MBD5: variants seen among roughly 807,000 people sequenced by gnomAD.
MBD5 encodes methyl-CpG-binding domain protein 5.
MBD5 carries 13 observed loss-of-function variants against 117.3 expected under a neutral mutation model. That is an observed-to-expected ratio of 0.11 (90% CI 0.07 to 0.18). The LOEUF (loss-of-function observed/expected upper bound fraction) is 0.18. Ranked by LOEUF, MBD5 falls within the 10% of genes least tolerant of loss-of-function variation. The pLI is 1.00. For missense variants in MBD5, 1,879 were observed against 2,093.8 expected, an observed-to-expected ratio of 0.90 and a Z score of 2.00; for synonymous variants, 727 against 766.4, an observed-to-expected ratio of 0.95 and a Z score of 0.85.
intron 4 of MBD5, among the ~76,000 whole-genome samples, chr2:148,390,885 A>AT (rs1704553789): frequency 1.3e-5 from 2 of 152,164 alleles, no homozygotes; most frequent in African/African-American, 2.4e-5. Flanking sequence ...TTAATTACAA[A>AT]TTTTAAATAA....
At position 148,159,618 on chromosome 2, in the gene MBD5, T is replaced by C. The variant is rs1451448546; in HGVS notation, c.-924-19082T>C. ...TATTTCTCAATTAGAAGTATATATA[T>C]GTAATGCTTTTTCTCATAGGTATAG... is the stretch of plus-strand genomic sequence containing the variant. On this transcript the variant is annotated intron_variant, in intron 1 of 13. Transcript: ENST00000642680. Among the ~76,000 whole-genome samples, 8 of 152,186 alleles carry C rather than the reference T, an allele frequency of 5.3e-5. No individual in the cohort carries two copies. In the East Asian group the frequency reaches 1.5e-3, roughly 29 times the overall value.
At chr2:148,454,440 C>G (rs1031537401) in intron 4 of MBD5, among the ~76,000 whole-genome samples, 5 of 152,078 alleles carry the variant, frequency 3.3e-5, no homozygotes, top group African/African-American at 1.2e-4. Flanking sequence ...AGAGATGGCT[C>G]TCAAAACATG....
rs1680703746 is a variant in MBD5, at chr2:148,469,221, T to C, written c.1278T>C (p.Val426=). 1 of 1,614,026 alleles carries C rather than the reference T, an allele frequency of 6.2e-7. No homozygotes were observed. The highest frequency in any genetic ancestry group is 8.5e-7 in the Non-Finnish European group (1 of 1,179,964). ...HMNHGSHVQR[V]QHSASTSLSP... is the part of the protein sequence containing the mutation. ...ATCATGGGAGTCATGTACAAAGAGT[T>C]CAGCATTCAGCTTCAACCTCCCTGT... Residue 426 remains valine (V), a synonymous_variant, in exon 8 of 14, where the codon GTT becomes GTC. Transcript: ENST00000642680.
rs139002640 is a variant in MBD5, at chr2:148,438,546, T to C, written c.-556-19657T>C. Among the ~76,000 whole-genome samples, 540 of 152,322 alleles carry C rather than the reference T, an allele frequency of 3.5e-3. 10 individuals are homozygous for C. Among genetic ancestry groups the C allele is most frequent in the African/African-American group, 0.013 (522 of 41,572 alleles). On this transcript the variant is annotated intron_variant, in intron 4 of 13. Transcript: ENST00000642680. Reference sequence around the variant, plus strand: ...AGGAATACAGTAAGAAGGAAGGATATTTGGCTTCTTGATACCAAATCTATA... The same window carrying C: ...AGGAATACAGTAAGAAGGAAGGATACTTGGCTTCTTGATACCAAATCTATA...
intron 1 of MBD5, among the ~76,000 whole-genome samples, chr2:148,167,199 G>C (rs748947439): frequency 6.6e-6 from 1 of 151,990 alleles, no homozygotes; most frequent in African/African-American, 2.4e-5. Context: ...TCTTTATGCC[G>C]ATTAAAATGG....
Position 148,485,894 on chromosome 2 carries a change from A to G in MBD5, c.3697A>G (p.Thr1233Ala), listed in dbSNP as rs751634567. 2.5e-6 allele frequency: 4 copies of G among 1,614,020 alleles called. No individual in the cohort carries two copies. In the South Asian group the frequency reaches 4.4e-5, roughly 18 times the overall value. Residue 1233 changes from threonine (T) to alanine (A), a missense_variant, in exon 10 of 14, where the codon ACA becomes GCA. Coordinates refer to ENST00000642680, the MANE Select transcript of MBD5 (RefSeq NM_001378120.1). ...QNLQAFQGQSTIPCPANNNPM... is the reference protein window; with the variant it reads ...QNLQAFQGQSAIPCPANNNPM... ...TCTCCAGGCGTTCCAAGGACAGTCC[A>G]CAATTCCTTGCCCAGCTAACAATAA...
At chr2:148,219,475 A>G (rs541301171) in intron 2 of MBD5, among the ~76,000 whole-genome samples, 2 of 152,352 alleles carry the variant, frequency 1.3e-5, no homozygotes, top group East Asian at 1.9e-4. Flanking sequence ...TGACTTCATT[A>G]TAATCTTATG....
chr2:148,188,278 T>C (rs1457223623), intron 2 of MBD5, among the ~76,000 whole-genome samples: 1 of 152,194 alleles, frequency 6.6e-6, no homozygotes, highest in African/African-American at 2.4e-5. Flanking sequence ...TATAGGCTAT[T>C]ATTTAAAATT....
chr2:148,419,879 A>T (rs2105253144), intron 4 of MBD5, among the ~76,000 whole-genome samples: 1 of 152,148 alleles, frequency 6.6e-6, no homozygotes, highest in East Asian at 1.9e-4. Context: ...AACATTTAAG[A>T]TCAGTCTAAT....
chr2:148,402,634 T>C (rs1180956444), intron 4 of MBD5, among the ~76,000 whole-genome samples: 1 of 152,230 alleles, frequency 6.6e-6, no homozygotes, highest in Admixed American at 6.5e-5. Context: ...ATATACTCTT[T>C]TGTCAATTGG....
chr2:148,456,570 A>G (rs765433068), intron 4 of MBD5, among the ~76,000 whole-genome samples: 24 of 152,160 alleles, frequency 1.6e-4, no homozygotes, highest in Non-Finnish European at 3.2e-4. Flanking sequence ...ACAGACATGA[A>G]CAGCAGGAGT....
Position 148,444,983 on chromosome 2 carries a change from T to C in MBD5, c.-556-13220T>C, listed in dbSNP as rs569782766. On this transcript the variant is annotated intron_variant, in intron 4 of 13. Transcript: ENST00000642680. Reference sequence around the variant, plus strand: ...CAGGATTATATAATATAAATGCCACTTGACCTTGTTTCCACATCCCTTGCT... The same window carrying C: ...CAGGATTATATAATATAAATGCCACCTGACCTTGTTTCCACATCCCTTGCT... Among the ~76,000 whole-genome samples, 51 of 151,312 alleles carry C rather than the reference T, an allele frequency of 3.4e-4. 2 individuals carry two copies. Among genetic ancestry groups the C allele is most frequent in the African/African-American group, 1.2e-3 (50 of 40,666 alleles).
At chr2:148,323,023 C>G (rs1004226121) in intron 3 of MBD5, among the ~76,000 whole-genome samples, 10 of 147,382 alleles carry the variant, frequency 6.8e-5, no homozygotes, top group African/African-American at 2.5e-4. Flanking sequence ...AGTCCCCAGA[C>G]TGTGATGTTC....
chr2:148,042,258 T>C (rs1420920811), intron 1 of MBD5, among the ~76,000 whole-genome samples: 1 of 152,212 alleles, frequency 6.6e-6, no homozygotes, highest in African/African-American at 2.4e-5. Flanking sequence ...TCAGTGATGA[T>C]ACATCTCTGT....
At chr2:148,284,709 C>G (rs1403302190) in intron 3 of MBD5, among the ~76,000 whole-genome samples, 1 of 152,018 alleles carries the variant, frequency 6.6e-6, no homozygotes, top group East Asian at 1.9e-4. Flanking sequence ...ATGCCAGGCT[C>G]ACTTGCTTTT....
At chr2:148,258,341 C>T (rs1700640961) in intron 3 of MBD5, among the ~76,000 whole-genome samples, 1 of 152,188 alleles carries the variant, frequency 6.6e-6, no homozygotes, top group Admixed American at 6.5e-5. Flanking sequence ...GTTTCACTTT[C>T]ACTGACTCGC....
At chr2:148,112,446 C>T (rs1400081093) in intron 1 of MBD5, among the ~76,000 whole-genome samples, 5 of 152,044 alleles carry the variant, frequency 3.3e-5, no homozygotes, top group Admixed American at 2.6e-4. Flanking sequence ...CTAAAATGGC[C>T]TAACAAACCT....
At chr2:148,255,351 A>C (rs1042170449) in intron 3 of MBD5, among the ~76,000 whole-genome samples, 61 of 152,240 alleles carry the variant, frequency 4.0e-4, no homozygotes, top group African/African-American at 1.3e-3. Flanking sequence ...CGGACAGTAC[A>C]TGTGTCCCCC....
At chr2:148,171,757 T>C (rs1328606286) in intron 1 of MBD5, among the ~76,000 whole-genome samples, 2 of 152,146 alleles carry the variant, frequency 1.3e-5, no homozygotes, top group Non-Finnish European at 2.9e-5. Flanking sequence ...AATAAACAAG[T>C]ACAGTAAAGT....
Sources: allele counts gnomAD v4.1 joint callset (sites outside exome capture counted in the v4.1 genomes callset), GRCh38; gene constraint gnomAD v4.1.1; transcripts MANE v1.5; gene names NCBI Gene and HGNC (gene_info 2026-07-23, HGNC 2026-07-21).